Variants in ZFP69 observed in about 807,000 individuals in gnomAD.
ZFP69 encodes the protein ZFP69 zinc finger protein, also known as zinc finger protein 69 homolog.
In ZFP69, 35 loss-of-function variants were observed where a neutral mutation model predicts 48.9. That is an observed-to-expected ratio of 0.72 (90% confidence interval 0.55 to 0.95). The LOEUF (loss-of-function observed/expected upper bound fraction) is 0.95, where lower values mean the gene tolerates loss of function less well. Among genes scored for constraint, ZFP69 ranks in the 40% least tolerant of loss-of-function variants. The pLI is 0.00. For missense variants in ZFP69, 557 were observed against 638.4 expected (o/e 0.87, Z 1.37); for synonymous variants, 193 against 216.8 (o/e 0.89, Z 0.96).
chr1:40,488,856 T>G (rs147653206), intron 3 of ZFP69, among the ~76,000 whole-genome samples: 104 of 152,250 alleles, frequency 6.8e-4, no homozygotes, highest in African/African-American at 2.5e-3. Context: ...CCATCTGTCT[T>G]TCTATATATT....
At chr1:40,478,148 A>ACACG (rs1410018193) in intron 1 of ZFP69, among the ~76,000 whole-genome samples, 2 of 151,490 alleles carry the variant, frequency 1.3e-5, no homozygotes, top group East Asian at 1.9e-4. Context: ...ACACACACAC[A>ACACG]CGCCTATAAG....
intron 5 of ZFP69, among the ~76,000 whole-genome samples, chr1:40,491,401 A>G (rs184326144): frequency 9.2e-5 from 14 of 152,336 alleles, no homozygotes; most frequent in African/African-American, 3.4e-4. Flanking sequence ...GTTGGGTTGT[A>G]GAATATATGC....
intron 5 of ZFP69, among the ~76,000 whole-genome samples, chr1:40,491,761 G>A (rs61781608): frequency 4.1e-5 from 6 of 145,962 alleles, no homozygotes; most frequent in African/African-American, 5.1e-5. Flanking sequence ...ATGTGTGTGT[G>A]TATGTGTGTG....
Position 40,496,191 on chromosome 1 carries a change from C to T in ZFP69, c.*132C>T. The T allele has an allele frequency of 3.2e-6, 3 of 930,406 alleles. No individual in the cohort carries two copies. Among genetic ancestry groups the T allele is most frequent in the Non-Finnish European group, 4.7e-6 (3 of 639,888 alleles). The allele number at this position is 930,406 out of a possible 1,614,324, so 57.6% of individuals were successfully genotyped here. On this transcript the variant is annotated 3_prime_UTR_variant, in exon 6 of 6. Coordinates refer to ENST00000372706, the MANE Select transcript of ZFP69 (RefSeq NM_001320179.2). Reference sequence around the variant, plus strand: ...TTTAATTTTTCCCATTGTAAATAAACATTACATTGACAGGTATTGACTACT... The same window carrying T: ...TTTAATTTTTCCCATTGTAAATAAATATTACATTGACAGGTATTGACTACT...
chr1:40,481,212 G>A (rs1434005221), intron 2 of ZFP69, among the ~76,000 whole-genome samples: 1 of 151,518 alleles, frequency 6.6e-6, no homozygotes, highest in Non-Finnish European at 1.5e-5. Context: ...ATACAAAAGT[G>A]GGTGCCTTGA....
chr1:40,488,695 G>A (rs1645531318), intron 3 of ZFP69, among the ~76,000 whole-genome samples: 1 of 152,062 alleles, frequency 6.6e-6, no homozygotes, highest in Non-Finnish European at 1.5e-5. Context: ...TTTCCATGTG[G>A]TTCTTCCCTT....
intron 3 of ZFP69, among the ~76,000 whole-genome samples, chr1:40,487,514 C>T (rs1275011793): frequency 1.3e-5 from 2 of 152,120 alleles, no homozygotes; most frequent in Non-Finnish European, 2.9e-5. Flanking sequence ...ACAGACTATT[C>T]ATGGTGCCAT....
intron 5 of ZFP69, among the ~76,000 whole-genome samples, chr1:40,492,542 A>G (rs1645579712): frequency 6.6e-6 from 1 of 152,188 alleles, no homozygotes; most frequent in African/African-American, 2.4e-5. Context: ...TATGTGGTAG[A>G]GGTAGTTCAC....
chr1:40,478,728 A>T (rs2124437407), intron 1 of ZFP69, among the ~76,000 whole-genome samples: 1 of 152,326 alleles, frequency 6.6e-6, no homozygotes, highest in African/African-American at 2.4e-5. Flanking sequence ...CATTTTATAG[A>T]TTAAGAAACT....
In ZFP69 at chr1:40,495,889, C is replaced by A; in HGVS notation, c.1411C>A (p.Arg471Ser). ...AGGAGTGAAAGCATATGAATGCAACCGCTGTGGAAAAGCCTATAGGCATGA... is the reference window on the plus strand; with the variant it reads ...AGGAGTGAAAGCATATGAATGCAACAGCTGTGGAAAAGCCTATAGGCATGA... ...HTGVKAYECN[R>S]CGKAYRHDSS... Residue 471 changes from arginine to serine, a missense_variant, in exon 6 of 6, where the codon CGC (arginine) becomes AGC (serine). Transcript: ENST00000372706. 6.2e-7 allele frequency: 1 copy of A among 1,614,096 alleles called. No homozygotes were observed. The highest frequency in any genetic ancestry group is 8.5e-7 in the Non-Finnish European group (1 of 1,180,014).
At chr1:40,488,957 C>T in intron 3 of ZFP69, 131 bp from the exon 4 acceptor site, 1 of 1,105,298 alleles carries the variant, frequency 9.0e-7, no homozygotes, top group Admixed American at 2.0e-5. Flanking sequence ...CAGAGGATCT[C>T]CAAACAGATC....
intron 3 of ZFP69, among the ~76,000 whole-genome samples, chr1:40,486,064 C>T (rs559523647): frequency 6.6e-6 from 1 of 151,922 alleles, no homozygotes; most frequent in East Asian, 1.9e-4. Context: ...CTACCACACC[C>T]GCCTTATTTT....
rs767192225 is a variant in ZFP69, at chr1:40,496,038, C to T, written c.1560C>T (p.Asn520=). 4.0e-5 allele frequency: 63 copies of T among 1,591,082 alleles called. No homozygotes were observed. The highest frequency in any genetic ancestry group is 1.8e-4 in the Admixed American group (10 of 54,512). The change falls in exon 6 of 6, where the codon AAC becomes AAT. Residue 520 remains asparagine (N), a synonymous_variant. Coordinates refer to ENST00000372706, the MANE Select transcript of ZFP69 (RefSeq NM_001320179.2). ...GACATCATGAAATACACAGGAGGAA[C>T]GCCTTCCGAAATAAGGTGTAAAAAC... ...LSRHHEIHRR[N]AFRNKV is the part of the protein sequence containing the mutation.
At position 40,495,788 on chromosome 1, in the gene ZFP69, G is replaced by C; in HGVS notation, c.1310G>C (p.Arg437Thr). The change falls in exon 6 of 6, where the codon AGA becomes ACA. Residue 437 changes from arginine (R) to threonine (T), a missense_variant. By Grantham distance (71) the Arg-to-Thr change is moderately conservative (BLOSUM62 -1). Transcript: ENST00000372706. ...CACCAGAGAATCCATACTGGGGAGA[G>C]ACCCTACAAATGTAAAGAATGTGGA... ...THHQRIHTGE[R>T]PYKCKECGKA... The C allele has an allele frequency of 6.2e-7, 1 of 1,614,154 alleles. No individual in the cohort carries two copies. The highest frequency in any genetic ancestry group is 8.5e-7 in the Non-Finnish European group (1 of 1,180,034).
Position 40,479,254 on chromosome 1 carries a change from G to A in ZFP69, c.-108G>A, listed in dbSNP as rs1645420010. 9 of 1,483,204 alleles carry A rather than the reference G, an allele frequency of 6.1e-6. No individual in the cohort carries two copies. Among genetic ancestry groups the A allele is most frequent in the Non-Finnish European group, 8.4e-6 (9 of 1,072,784 alleles). The allele number at this position is 1,483,204 out of a possible 1,614,324, so 91.9% of individuals were successfully genotyped here. On this transcript the variant is annotated 5_prime_UTR_variant, in exon 2 of 6. Coordinates refer to ENST00000372706, the MANE Select transcript of ZFP69 (RefSeq NM_001320179.2). The stretch of plus-strand genomic sequence containing the variant: ...CTGCAGGGACACACCAGAGTCCTGA[G>A]GGCAGGTGATTGGAATCTGAGCAAC...
intron 3 of ZFP69, among the ~76,000 whole-genome samples, chr1:40,486,726 G>T (rs1258021241): frequency 6.6e-6 from 1 of 151,746 alleles, no homozygotes; most frequent in Non-Finnish European, 1.5e-5. Context: ...CTAGCCCTGA[G>T]ATTCTAATTA....
chr1:40,494,504 G>A (rs188056118), intron 5 of ZFP69, among the ~76,000 whole-genome samples: 4,811 of 146,004 alleles, frequency 0.033, 145 homozygotes, highest in East Asian at 0.15. Flanking sequence ...TCCTGACCTC[G>A]TGATCCGCCC....
At chr1:40,485,965 A>G (rs564013971) in intron 3 of ZFP69, among the ~76,000 whole-genome samples, 1 of 152,264 alleles carries the variant, frequency 6.6e-6, no homozygotes, top group Admixed American at 6.5e-5. Flanking sequence ...GTGCAGTGGC[A>G]TGATCTTGGC....
At chr1:40,487,915 C>T (rs138962634) in intron 3 of ZFP69, among the ~76,000 whole-genome samples, 2,032 of 152,046 alleles carry the variant, frequency 0.013, 23 homozygotes, top group Middle Eastern at 0.024. Context: ...GGCGTGGTGG[C>T]GTGCGCCTGT....
Sources: gnomAD v4.1 joint callset for allele counts (sites outside exome capture counted in the v4.1 genomes callset) on GRCh38, gnomAD v4.1.1 for gene constraint, MANE v1.5 for transcripts, NCBI Gene and HGNC (gene_info 2026-07-23, HGNC 2026-07-21) for gene names.